The following MAN1C1 variants were observed in gnomAD, a reference collection of about 807,000 sequenced individuals.
The protein encoded by MAN1C1 is mannosidase alpha class 1C member 1, also known as mannosyl-oligosaccharide 1,2-alpha-mannosidase IC.
In MAN1C1, 49 loss-of-function variants were observed where a neutral mutation model predicts 71.5. The observed-to-expected ratio is 0.69, with a 90% CI of 0.54 to 0.87. The LOEUF (loss-of-function observed/expected upper bound fraction) is 0.87, where lower values mean the gene tolerates loss of function less well. Among genes scored for constraint, MAN1C1 ranks in the 40% least tolerant of loss-of-function variants. The pLI, the probability that MAN1C1 is intolerant of heterozygous loss-of-function variation, is 0.00. For synonymous variants in MAN1C1, 352 were observed against 343.7 expected, an observed-to-expected ratio of 1.02 and a Z score of -0.27; for missense variants, 743 against 835.0, an observed-to-expected ratio of 0.89 and a Z score of 1.36.
At chr1:25,750,873 G>A (rs1037725244) in intron 4 of MAN1C1, among the ~76,000 whole-genome samples, 5 of 152,208 alleles carry the variant, frequency 3.3e-5, no homozygotes, top group African/African-American at 1.2e-4. Flanking sequence ...GGAAGGAAGA[G>A]GGGAGGACAC....
intron 2 of MAN1C1, among the ~76,000 whole-genome samples, chr1:25,741,379 G>C (rs1362818115): frequency 6.6e-6 from 1 of 152,200 alleles, no homozygotes; most frequent in African/African-American, 2.4e-5. Context: ...GAGGTCTGGA[G>C]ATGGGGAGGA....
At chr1:25,768,582 A>C (rs1292062767) in intron 7 of MAN1C1, among the ~76,000 whole-genome samples, 1 of 40,998 alleles carries the variant, frequency 2.4e-5, no homozygotes. Flanking sequence ...CCACACACAG[A>C]CCCACACACC....
At chr1:25,745,887 A>T (rs2047121722) in intron 2 of MAN1C1, among the ~76,000 whole-genome samples, 1 of 152,042 alleles carries the variant, frequency 6.6e-6, no homozygotes. Context: ...GCTACTTGGG[A>T]GGCTGAGGCA....
At chr1:25,755,052 C>T (rs964221936) in intron 5 of MAN1C1, among the ~76,000 whole-genome samples, 1 of 152,180 alleles carries the variant, frequency 6.6e-6, no homozygotes, top group Admixed American at 6.5e-5. Flanking sequence ...TGTTGTTGCA[C>T]CTGCCCCCGG....
intron 1 of MAN1C1, among the ~76,000 whole-genome samples, chr1:25,662,365 C>T (rs577842268): frequency 7.9e-5 from 12 of 152,274 alleles, no homozygotes; most frequent in African/African-American, 2.9e-4. Flanking sequence ...CCAGACTCCT[C>T]AGCATTTGTC....
At position 25,749,452 on chromosome 1, in the gene MAN1C1, G is replaced by A. The variant is rs554819795; in HGVS notation, c.834+117G>A. 127 of 841,932 alleles carry A rather than the reference G, an allele frequency of 1.5e-4. 1 individual carries two copies. In the South Asian group the frequency reaches 2.4e-3, roughly 16 times the overall value. The allele number at this position is 841,932 out of a possible 1,614,324, so 52.2% of individuals were successfully genotyped here. A position where few individuals can be genotyped will look rare whatever the true frequency, so the allele number is the denominator to read the frequency against. On this transcript the variant is annotated intron_variant, in intron 4 of 11. Transcript: ENST00000374332. Reference sequence around the variant, plus strand: ...AAGGGACTTAAGGGGGCAGGGATGGGCCTGGGGCCACCCAAGTCCACCCCT... The same window carrying A: ...AAGGGACTTAAGGGGGCAGGGATGGACCTGGGGCCACCCAAGTCCACCCCT...
chr1:25,774,501 C>T (rs900217273), intron 8 of MAN1C1, among the ~76,000 whole-genome samples: 1 of 152,160 alleles, frequency 6.6e-6, no homozygotes, highest in African/African-American at 2.4e-5. Flanking sequence ...CACAGAGGGG[C>T]CTGGCTTGCC....
rs1290710081 is a variant in MAN1C1, at chr1:25,668,016, T to C, written c.541-18424T>C. Among the ~76,000 whole-genome samples, 4 of 152,288 alleles carry C rather than the reference T, an allele frequency of 2.6e-5. No individual in the cohort carries two copies. In the East Asian group the frequency reaches 5.8e-4, roughly 22 times the overall value. ...GGCTAGGCCGGTCTGTTTACTGCTT[T>C]GGAATTCTCTCTCCTGGGGTGAACT... On this transcript the variant is annotated intron_variant, in intron 1 of 11. Transcript: ENST00000374332.
intron 1 of MAN1C1, among the ~76,000 whole-genome samples, chr1:25,666,334 A>T (rs1442378044): frequency 6.6e-6 from 1 of 152,152 alleles, no homozygotes; most frequent in Non-Finnish European, 1.5e-5. Context: ...CTTCACATCC[A>T]GGAGGGGGGC....
At chr1:25,728,605 A>G (rs1416665637) in intron 2 of MAN1C1, among the ~76,000 whole-genome samples, 3 of 152,108 alleles carry the variant, frequency 2.0e-5, no homozygotes, top group African/African-American at 7.2e-5. Flanking sequence ...ACTCAGGGTG[A>G]TGGAGGCGCC....
chr1:25,749,149 G>A lies in MAN1C1; in HGVS notation c.754-106G>A, dbSNP rs551239024. 71 of 839,458 alleles carry A rather than the reference G, an allele frequency of 8.5e-5. No homozygotes were observed. In the Middle Eastern group the frequency reaches 2.1e-3, roughly 25 times the overall value. 52.0% of individuals were successfully genotyped at this position (839,458 alleles called of 1,614,324 possible). On this transcript the variant is annotated intron_variant, in intron 3 of 11. Transcript: ENST00000374332. ...TCGTCACCTTGCCTGGCTTACCAGA[G>A]CCGGGGACAGGTATGGGAGGAATAT...
intron 7 of MAN1C1, among the ~76,000 whole-genome samples, chr1:25,771,107 C>A (rs1339460314): frequency 2.0e-5 from 3 of 152,192 alleles, no homozygotes; most frequent in Non-Finnish European, 4.4e-5. Context: ...AGGGGGTGTT[C>A]CAACTCAATT....
intron 1 of MAN1C1, among the ~76,000 whole-genome samples, chr1:25,643,490 C>T (rs910823919): frequency 7.7e-5 from 11 of 143,088 alleles, no homozygotes; most frequent in Non-Finnish European, 1.2e-4. Context: ...AGGCTGGTCA[C>T]GAACTCCTGA....
At chr1:25,645,892 C>T (rs187776967) in intron 1 of MAN1C1, 4 of 152,216 alleles carry the variant, frequency 2.6e-5, no homozygotes, top group Admixed American at 6.5e-5. Context: ...CTTGAAGGCT[C>T]GATGCCACAG....
At chr1:25,702,962 G>T (rs1191982175) in intron 2 of MAN1C1, among the ~76,000 whole-genome samples, 2 of 152,340 alleles carry the variant, frequency 1.3e-5, no homozygotes, top group East Asian at 3.9e-4. Context: ...AATTTGTGCT[G>T]CTCTTCGCCA....
intron 2 of MAN1C1, among the ~76,000 whole-genome samples, chr1:25,744,274 A>G (rs1240014361): frequency 1.3e-5 from 2 of 151,926 alleles, no homozygotes; most frequent in Non-Finnish European, 2.9e-5. Context: ...CGGGCCAGGA[A>G]CTCTGTTCAG....
intron 9 of MAN1C1, chr1:25,780,701 CCAAAG>C (rs1051860782): frequency 2.7e-5 from 13 of 484,884 alleles, no homozygotes; most frequent in African/African-American, 2.3e-4. Flanking sequence ...CTCTCAGAGT[CCAAAG>C]CTGCTCACAT....
At chr1:25,661,756 G>T (rs2124102637) in intron 1 of MAN1C1, among the ~76,000 whole-genome samples, 1 of 152,310 alleles carries the variant, frequency 6.6e-6, no homozygotes, top group East Asian at 1.9e-4. Context: ...GCTGTGTGTG[G>T]GGTTGAAGGG....
chr1:25,635,116 C>G (rs2045437277), intron 1 of MAN1C1, among the ~76,000 whole-genome samples: 1 of 152,150 alleles, frequency 6.6e-6, no homozygotes, highest in Admixed American at 6.5e-5. Flanking sequence ...TCTCCTGTCT[C>G]AGCCTCCAGA....
Sources: allele counts gnomAD v4.1 joint callset (sites outside exome capture counted in the v4.1 genomes callset), GRCh38; gene constraint gnomAD v4.1.1; transcripts MANE v1.5; gene names NCBI Gene and HGNC (gene_info 2026-07-23, HGNC 2026-07-21).